ARHGAP6: variants seen among roughly 807,000 people sequenced by gnomAD.
ARHGAP6 encodes rho GTPase-activating protein 6.
A neutral mutation model predicts 55.7 loss-of-function variants in ARHGAP6; 16 were observed. That is an observed-to-expected ratio of 0.29 (90% CI 0.19 to 0.44). The LOEUF (loss-of-function observed/expected upper bound fraction) is 0.44. Ranked by LOEUF, ARHGAP6 falls within the 20% of genes least tolerant of loss-of-function variation. The pLI, the probability that ARHGAP6 is intolerant of heterozygous loss-of-function variation, is 1.00. For missense variants in ARHGAP6, 698 were observed against 808.9 expected, an observed-to-expected ratio of 0.86 and a Z score of 1.66; for synonymous variants, 382 against 360.9, an observed-to-expected ratio of 1.06 and a Z score of -0.66.
rs182960152 is a variant in ARHGAP6 at position 11,532,183 on chromosome X, C to T, written c.588+132058G>A. On this transcript the variant is annotated intron_variant, in intron 1 of 12. Coordinates refer to ENST00000337414, the MANE Select transcript of ARHGAP6 (RefSeq NM_013427.3). ...TCCATTCATTCATTATTAACTGATGCCATTTCTTATGTTCATCATAATCAC... is the reference window on the plus strand; with the variant it reads ...TCCATTCATTCATTATTAACTGATGTCATTTCTTATGTTCATCATAATCAC... 4.5e-5 allele frequency among the ~76,000 whole-genome samples: 5 copies of T among 112,231 alleles called. No homozygotes were observed. In the East Asian group the frequency reaches 1.4e-3, roughly 31 times the overall value.
chrX:11,154,083 C>G (rs374531071), intron 10 of ARHGAP6, among the ~76,000 whole-genome samples: 31 of 110,705 alleles, frequency 2.8e-4, no homozygotes, highest in African/African-American at 9.9e-4. Context: ...TCTGTCCTTG[C>G]GATAGTTTGC....
chrX:11,268,721 TGG>T (rs1268228408), intron 1 of ARHGAP6, among the ~76,000 whole-genome samples: 1 of 110,714 alleles, frequency 9.0e-6, no homozygotes, highest in Non-Finnish European at 1.9e-5. Flanking sequence ...GTCCCAGGAG[TGG>T]ACCACATTTT....
chrX:11,232,486 G>T, intron 2 of ARHGAP6, among the ~76,000 whole-genome samples: 1 of 110,165 alleles, frequency 9.1e-6, no homozygotes, highest in Non-Finnish European at 1.9e-5. Context: ...AAAAAAATTA[G>T]CTGGGCTTGG....
chrX:11,460,952 G>A (rs1249203249), intron 1 of ARHGAP6, among the ~76,000 whole-genome samples: 1 of 112,051 alleles, frequency 8.9e-6, no homozygotes, highest in Non-Finnish European at 1.9e-5. Context: ...CTGGCTTAAT[G>A]CAATGGAAAC....
At chrX:11,662,692 A>G (rs893449988) in intron 1 of ARHGAP6, among the ~76,000 whole-genome samples, 1 of 112,697 alleles carries the variant, frequency 8.9e-6, no homozygotes, top group Non-Finnish European at 1.9e-5. Context: ...GCATCTGTAT[A>G]CTATATTCCA....
At chrX:11,558,120 A>C (rs1490251546) in intron 1 of ARHGAP6, among the ~76,000 whole-genome samples, 1 of 112,005 alleles carries the variant, frequency 8.9e-6, no homozygotes, top group Non-Finnish European at 1.9e-5. Flanking sequence ...TCTGCTTGGG[A>C]AATGATGAAG....
intron 1 of ARHGAP6, among the ~76,000 whole-genome samples, chrX:11,381,280 C>A (rs2049260262): frequency 8.9e-6 from 1 of 112,510 alleles, no homozygotes; most frequent in African/African-American, 3.2e-5. Flanking sequence ...AGTCTTTTCT[C>A]AGTTCAGAGG....
chrX:11,227,848 T>C (rs755011198), intron 2 of ARHGAP6, among the ~76,000 whole-genome samples: 1 of 108,958 alleles, frequency 9.2e-6, no homozygotes, highest in East Asian at 2.8e-4. Context: ...TAAGTCGACA[T>C]CAGTCTCCAT....
intron 1 of ARHGAP6, among the ~76,000 whole-genome samples, chrX:11,416,854 G>A (rs1256997898): frequency 1.9e-5 from 2 of 108,081 alleles, no homozygotes; most frequent in African/African-American, 6.8e-5. Context: ...TCAGTCACGC[G>A]GTTGTCGGTC....
chrX:11,227,608 C>T (rs1461167876), intron 2 of ARHGAP6, among the ~76,000 whole-genome samples: 1 of 110,043 alleles, frequency 9.1e-6, no homozygotes, highest in Non-Finnish European at 1.9e-5. Flanking sequence ...CAGTGGTGCC[C>T]ATGTCTCAGT....
intron 9 of ARHGAP6, among the ~76,000 whole-genome samples, chrX:11,158,382 C>T (rs2045893664): frequency 8.9e-6 from 1 of 111,922 alleles, no homozygotes; most frequent in Non-Finnish European, 1.9e-5. Context: ...AAAGGGATGT[C>T]TTGATATCAT....
chrX:11,320,423 A>T (rs2048417305), intron 1 of ARHGAP6, among the ~76,000 whole-genome samples: 1 of 111,675 alleles, frequency 9.0e-6, no homozygotes, highest in Non-Finnish European at 1.9e-5. Flanking sequence ...GTGCTGGTGG[A>T]GTTGGGGAAA....
Position 11,358,476 on chromosome X carries a change from TCTTTCTTTC to T in ARHGAP6, c.589-103778_589-103770del, listed in dbSNP as rs1381742484. ...TTCTTTCTTTCTTTCTTTCTTTCTT[TCTTTCTTTC>T]TTTTTTTTTTTTTGACAGAGTTTTA... On this transcript the variant is annotated intron_variant, in intron 1 of 12. Coordinates refer to ENST00000337414, the MANE Select transcript of ARHGAP6 (RefSeq NM_013427.3). Among the ~76,000 whole-genome samples the T allele has an allele frequency of 5.6e-3, 524 of 92,839 alleles. 2 individuals carry two copies. The highest frequency in any genetic ancestry group is 0.012 in the Middle Eastern group (2 of 170). 80.6% of individuals were successfully genotyped at this position (92,839 alleles called of 115,157 possible).
intron 1 of ARHGAP6, among the ~76,000 whole-genome samples, chrX:11,444,982 C>A (rs1364362560): frequency 8.9e-6 from 1 of 112,297 alleles, no homozygotes; most frequent in African/African-American, 3.2e-5. Context: ...TCATTCTCTT[C>A]TGTCTGAAGC....
chrX:11,309,475 C>T (rs1431616950), intron 1 of ARHGAP6, among the ~76,000 whole-genome samples: 1 of 110,771 alleles, frequency 9.0e-6, no homozygotes, highest in Non-Finnish European at 1.9e-5. Flanking sequence ...TCCTCTGAGT[C>T]AGACACCCTG....
chrX:11,287,986 T>C (rs749588367), intron 1 of ARHGAP6, among the ~76,000 whole-genome samples: 1 of 112,381 alleles, frequency 8.9e-6, no homozygotes, highest in Non-Finnish European at 1.9e-5. Flanking sequence ...TGCTGGTGCC[T>C]TTGTGCTGAT....
Position 11,359,930 on chromosome X carries a change from C to A in ARHGAP6, c.589-105223G>T, listed in dbSNP as rs1252508045. On this transcript the variant is annotated intron_variant, in intron 1 of 12. Transcript: ENST00000337414. The stretch of plus-strand genomic sequence containing the variant: ...GAAGAAATCGATAAATTCCTCAACA[C>A]ATACACCCTCCCAAGACTAAACCAG... Among the ~76,000 whole-genome samples, 8 of 111,827 alleles carry A rather than the reference C, an allele frequency of 7.2e-5. No homozygotes were observed. The East Asian group carries it at 2.2e-3, about 31-fold the overall frequency.
chrX:11,432,680 C>G (rs1199579031), intron 1 of ARHGAP6, among the ~76,000 whole-genome samples: 1 of 111,839 alleles, frequency 8.9e-6, no homozygotes, highest in East Asian at 2.8e-4. Context: ...AAATCAAACT[C>G]CAGGATCAGA....
chrX:11,337,405 G>A (rs2048653092), intron 1 of ARHGAP6, among the ~76,000 whole-genome samples: 1 of 111,566 alleles, frequency 9.0e-6, no homozygotes, highest in Admixed American at 9.5e-5. Context: ...TTCTACTGTC[G>A]TGTTCAAGAG....
Sources: allele counts gnomAD v4.1 joint callset (sites outside exome capture counted in the v4.1 genomes callset), GRCh38; gene constraint gnomAD v4.1.1; transcripts MANE v1.5; gene names NCBI Gene and HGNC (gene_info 2026-07-23, HGNC 2026-07-21).